Variants in PNPT1 observed in about 807,000 individuals in gnomAD.
The protein encoded by PNPT1 is polyribonucleotide nucleotidyltransferase 1, mitochondrial.
PNPT1 carries 53 observed loss-of-function variants against 119.5 expected under a neutral mutation model. The ratio of observed to expected loss-of-function variants is 0.44; its 90% confidence interval spans 0.36 to 0.56. The LOEUF (loss-of-function observed/expected upper bound fraction) is 0.56. PNPT1 is among the 20% of genes least tolerant of loss of function. The pLI, the probability that PNPT1 is intolerant of heterozygous loss-of-function variation, is 0.00. For missense variants in PNPT1, 948 were observed against 938.5 expected (o/e 1.01, Z -0.13); for synonymous variants, 357 against 322.1 (o/e 1.11, Z -1.16).
intron 27 of PNPT1, among the ~76,000 whole-genome samples, chr2:55,636,765 T>A (rs1695688070): frequency 6.6e-6 from 1 of 152,300 alleles, no homozygotes; most frequent in Non-Finnish European, 1.5e-5. Context: ...GTCACTTGGA[T>A]TTTCACTACT....
At chr2:55,642,423 G>C (rs989236128) in intron 25 of PNPT1, among the ~76,000 whole-genome samples, 2 of 151,260 alleles carry the variant, frequency 1.3e-5, no homozygotes, top group Non-Finnish European at 2.9e-5. Context: ...TGGCTAACAA[G>C]GTAAAACCCC....
rs749493556 is a variant in PNPT1, at chr2:55,693,731, G to A, written c.93C>T (p.Thr31=). 3.1e-6 allele frequency: 5 copies of A among 1,614,066 alleles called. No individual in the cohort carries two copies. Among genetic ancestry groups the A allele is most frequent in the African/African-American group, 1.3e-5 (1 of 74,938 alleles). The change falls in exon 1 of 28, where the codon ACC becomes ACT. Residue 31 remains threonine (T), a synonymous_variant. Transcript: ENST00000447944. ...FLLPRRDRAL[T]QLQVRALWSS... Reference sequence around the variant, plus strand: ...TCCATAGTGCTCGCACTTGCAACTGGGTGAGTGCCCGATCCCGCCGTGGCA... The same window carrying A: ...TCCATAGTGCTCGCACTTGCAACTGAGTGAGTGCCCGATCCCGCCGTGGCA...
rs1559104412 is a variant in PNPT1 at position 55,671,855 on chromosome 2, A to T, written c.918+140T>A. 4.6e-6 allele frequency: 3 copies of T among 650,750 alleles called. No homozygotes were observed. In the East Asian group the frequency reaches 8.9e-5, roughly 19 times the overall value. The allele number at this position is 650,750 out of a possible 1,614,324, so 40.3% of individuals were successfully genotyped here. On this transcript the variant is annotated intron_variant, in intron 10 of 27. Coordinates refer to ENST00000447944, the MANE Select transcript of PNPT1 (RefSeq NM_033109.5). ...AACAAAACAAAACAAAAGAATGGAG[A>T]AACAATTAGGCTTTTGTTAGTTTTT... is the stretch of plus-strand genomic sequence containing the variant.
intron 18 of PNPT1, among the ~76,000 whole-genome samples, chr2:55,653,485 G>T (rs921051559): frequency 1.3e-5 from 2 of 152,272 alleles, no homozygotes; most frequent in African/African-American, 4.8e-5. Context: ...TTTGTTCAGT[G>T]TTTTCCAGTA....
intron 18 of PNPT1, among the ~76,000 whole-genome samples, chr2:55,650,123 G>GCCCTCTCT (rs1553494825): frequency 1.0e-4 from 15 of 146,946 alleles, no homozygotes; most frequent in African/African-American, 3.3e-4. Flanking sequence ...AAAAAATCCT[G>GCCCTCTCT]CCCTCTCTCC....
At chr2:55,673,493 C>T (rs149652953) in intron 8 of PNPT1, among the ~76,000 whole-genome samples, 4,483 of 150,640 alleles carry the variant, frequency 0.03, 105 homozygotes, top group South Asian at 0.088. Flanking sequence ...CTGTTGACCA[C>T]GCTGGAGTGC....
chr2:55,681,701 C>A (rs1199604061), intron 5 of PNPT1, among the ~76,000 whole-genome samples: 1 of 151,786 alleles, frequency 6.6e-6, no homozygotes, highest in Non-Finnish European at 1.5e-5. Flanking sequence ...AAAAATTAGC[C>A]GTGCGTGGTA....
At chr2:55,692,975 C>A (rs375950233) in intron 1 of PNPT1, among the ~76,000 whole-genome samples, 37 of 152,126 alleles carry the variant, frequency 2.4e-4, no homozygotes, top group Admixed American at 2.4e-3. Context: ...CACTGTCTCT[C>A]TCTCTCCCCT....
Position 55,646,258 on chromosome 2 carries a change from C to T in PNPT1, c.1738+1G>A. On this transcript the variant is annotated splice_donor_variant, in intron 21 of 27. Transcript: ENST00000447944. LOFTEE classifies it high-confidence loss of function. ...AGGGAGAATCAAGCACACTAGCTCA[C>T]CTGAAGCTTGTTGAATAGCCTCCAT... 6.2e-7 allele frequency: 1 copy of T among 1,611,408 alleles called. No homozygotes were observed. Among genetic ancestry groups the T allele is most frequent in the Non-Finnish European group, 8.5e-7 (1 of 1,177,838 alleles).
chr2:55,689,659 G>A (rs1014243734), intron 1 of PNPT1, among the ~76,000 whole-genome samples: 4 of 152,150 alleles, frequency 2.6e-5, no homozygotes, highest in Non-Finnish European at 4.4e-5. Flanking sequence ...AATCCACAGC[G>A]ATGGAAAGTA....
rs950268465 is a variant in PNPT1 at position 55,656,723 on chromosome 2, ATTT to A, written c.1285-355_1285-353del. 4.6e-5 allele frequency among the ~76,000 whole-genome samples: 7 copies of A among 152,160 alleles called. No individual in the cohort carries two copies. In the South Asian group the frequency reaches 8.3e-4, roughly 18 times the overall value. On this transcript the variant is annotated intron_variant, in intron 15 of 27. Transcript: ENST00000447944. ...AAAAGTACACATTGAAGAATCACAGATTTTTTTCCATAGCAAAGCCCACATTTA... is the reference window on the plus strand; with the variant it reads ...AAAAGTACACATTGAAGAATCACAGATTTTCCATAGCAAAGCCCACATTTA...
Position 55,680,714 on chromosome 2 carries a change from A to T in PNPT1, c.563T>A (p.Val188Asp). Reference sequence around the variant, plus strand: ...CTTACTTTTAAATCCTAACTTACCAACAGGTCCATTCCAAGGAATATCTGA... The same window carrying T: ...CTTACTTTTAAATCCTAACTTACCATCAGGTCCATTCCAAGGAATATCTGA... The part of the protein sequence containing the change: ...SLSDIPWNGP[V>D]GAVRIGIIDG... Residue 188 changes from valine to aspartate, a missense_variant and splice_region_variant, in exon 7 of 28, where the codon GTT becomes GAT. Coordinates refer to ENST00000447944, the MANE Select transcript of PNPT1 (RefSeq NM_033109.5). 1 of 1,612,060 alleles carries T rather than the reference A, an allele frequency of 6.2e-7. No individual in the cohort carries two copies. Among genetic ancestry groups the T allele is most frequent in the Non-Finnish European group, 8.5e-7 (1 of 1,179,200 alleles).
At chr2:55,646,185 A>G in intron 21 of PNPT1, 74 bp downstream of exon 21, 1 of 1,352,782 alleles carries the variant, frequency 7.4e-7, no homozygotes. Flanking sequence ...ATTTTATAAT[A>G]AGCCTAATGA....
At chr2:55,640,995 G>A (rs1695817482) in intron 25 of PNPT1, among the ~76,000 whole-genome samples, 1 of 152,120 alleles carries the variant, frequency 6.6e-6, no homozygotes, top group South Asian at 2.1e-4. Context: ...GGAGGCCAAG[G>A]TGAGCAGATC....
At position 55,679,710 on chromosome 2, in the gene PNPT1, C is replaced by T; in HGVS notation, c.651G>A (p.Val217=). The change falls in exon 8 of 28, where the codon GTG becomes GTA. Residue 217 remains valine, a synonymous_variant. Coordinates refer to ENST00000447944, the MANE Select transcript of PNPT1 (RefSeq NM_033109.5). Reference sequence around the variant, plus strand: ...TCTGACTTTTAGGTGCTCCAGCAACCACTAAATTTAAAGTACTAGAAGACA... The same window carrying T: ...TCTGACTTTTAGGTGCTCCAGCAACTACTAAATTTAAAGTACTAGAAGACA... ...KEMSSSTLNL[V]VAGAPKSQIV... is the part of the protein sequence containing the mutation. 1 of 1,610,550 alleles carries T rather than the reference C, an allele frequency of 6.2e-7. No homozygotes were observed. The highest frequency in any genetic ancestry group is 8.5e-7 in the Non-Finnish European group (1 of 1,177,946).
chr2:55,691,651 T>C (rs1356716272), intron 1 of PNPT1, among the ~76,000 whole-genome samples: 1 of 151,984 alleles, frequency 6.6e-6, no homozygotes, highest in East Asian at 1.9e-4. Context: ...TCACAGTATG[T>C]GTCTGTTGAA....
In PNPT1 at chr2:55,671,372, G is replaced by C. The variant is rs2104121526; in HGVS notation, c.923C>G (p.Ser308Cys). 2 of 1,525,968 alleles carry C rather than the reference G, an allele frequency of 1.3e-6. No individual in the cohort carries two copies. The highest frequency in any genetic ancestry group is 2.4e-5 in the East Asian group (1 of 41,814). The allele number at this position is 1,525,968 out of a possible 1,614,324, so 94.5% of individuals were successfully genotyped here. ...VFTDYEHDKV[S>C]RDEAVNKIRL... Reference sequence around the variant, plus strand: ...TATTTTGTTAACAGCTTCATCTCTGGAAACCTAAAAGAAAGTTGAGGTTCA... The same window carrying C: ...TATTTTGTTAACAGCTTCATCTCTGCAAACCTAAAAGAAAGTTGAGGTTCA... Residue 308 changes from serine (S) to cysteine (C), a missense_variant, in exon 11 of 28, where the codon TCC becomes TGC. Transcript: ENST00000447944.
intron 17 of PNPT1, among the ~76,000 whole-genome samples, chr2:55,655,638 C>T (rs1696362210): frequency 6.6e-6 from 1 of 152,210 alleles, no homozygotes; most frequent in Non-Finnish European, 1.5e-5. Flanking sequence ...AAATCTGTGA[C>T]TATCTGATTT....
At chr2:55,646,768 C>T (rs1424795424) in intron 19 of PNPT1, among the ~76,000 whole-genome samples, 2 of 150,480 alleles carry the variant, frequency 1.3e-5, no homozygotes, top group Admixed American at 6.7e-5. Context: ...TGAATACTTA[C>T]ACTGTGTAAG....
Sources: allele counts gnomAD v4.1 joint callset (sites outside exome capture counted in the v4.1 genomes callset), GRCh38; gene constraint gnomAD v4.1.1; transcripts MANE v1.5; gene names NCBI Gene and HGNC (gene_info 2026-07-23, HGNC 2026-07-21).